SYNJ1: variants seen among roughly 807,000 people sequenced by gnomAD.
The protein encoded by SYNJ1 is polyphosphatidylinositol phosphatase SYNJ1.
In SYNJ1, 78 loss-of-function variants were observed where a neutral mutation model predicts 168.2. The ratio of observed to expected loss-of-function variants is 0.46; its 90% confidence interval spans 0.39 to 0.56. The LOEUF (loss-of-function observed/expected upper bound fraction) is 0.56, where lower values mean the gene tolerates loss of function less well. SYNJ1 is among the 20% of genes least tolerant of loss of function. SYNJ1 has a pLI of 0.00. For missense variants in SYNJ1, 1,303 were observed against 1,597.6 expected (o/e 0.82, Z 3.14); for synonymous variants, 539 against 548.6 (o/e 0.98, Z 0.24).
chr21:32,650,459 G>T (rs2040235159), intron 22 of SYNJ1, 113 bp from the exon 23 acceptor site: 1 of 851,146 alleles, frequency 1.2e-6, no homozygotes, highest in Non-Finnish European at 1.7e-6. Flanking sequence ...AATTTAGTTA[G>T]ACAATTCAGC....
intron 1 of SYNJ1, among the ~76,000 whole-genome samples, chr21:32,727,273 C>T (rs982703089): frequency 1.3e-5 from 2 of 152,268 alleles, no homozygotes; most frequent in South Asian, 2.1e-4. Flanking sequence ...AGATCTGTCA[C>T]TACGTTGAAA....
chr21:32,721,857 A>G (rs1437010987), intron 2 of SYNJ1, among the ~76,000 whole-genome samples: 2 of 152,128 alleles, frequency 1.3e-5, no homozygotes, highest in Non-Finnish European at 2.9e-5. Flanking sequence ...TACATCTTTT[A>G]TATCAGCAGT....
Position 32,675,387 on chromosome 21 carries a change from A to T in SYNJ1, c.1534+945T>A, listed in dbSNP as rs116074943. Among the ~76,000 whole-genome samples the T allele has an allele frequency of 1.4e-3, 216 of 152,232 alleles. 1 individual carries two copies. The highest frequency in any genetic ancestry group is 5.1e-3 in the African/African-American group (214 of 41,556). ...AATGTGCTTAAAGAAACAGAGAGTCAAAAAAATAAAATAAAATAAAAAATT... is the reference window on the plus strand; with the variant it reads ...AATGTGCTTAAAGAAACAGAGAGTCTAAAAAATAAAATAAAATAAAAAATT... On this transcript the variant is annotated intron_variant, in intron 13 of 32. Transcript: ENST00000674351.
chr21:32,706,864 C>T (rs115922417), intron 2 of SYNJ1, among the ~76,000 whole-genome samples: 1 of 151,926 alleles, frequency 6.6e-6, no homozygotes, highest in Admixed American at 6.6e-5. Context: ...GAATCTTCTA[C>T]TATAAAGAGA....
At chr21:32,659,138 TC>T (rs1407981668) in intron 18 of SYNJ1, among the ~76,000 whole-genome samples, 1 of 151,028 alleles carries the variant, frequency 6.6e-6, no homozygotes, top group East Asian at 1.9e-4. Context: ...AATTTTGTGG[TC>T]ATAAGCTTTA....
rs1355459691 is a variant in SYNJ1, at chr21:32,634,846, T to C, written c.*3+15A>G. ...CGGATGAAAACACATGTAAGATTGA[T>C]AAATTGTCAGATACCTGTTACCCTG... On this transcript the variant is annotated intron_variant, in intron 32 of 32. Coordinates refer to ENST00000674351, the MANE Select transcript of SYNJ1 (RefSeq NM_203446.3). 1 of 1,613,540 alleles carries C rather than the reference T, an allele frequency of 6.2e-7. No individual in the cohort carries two copies. The highest frequency in any genetic ancestry group is 2.2e-5 in the East Asian group (1 of 44,832).
At chr21:32,700,510 C>G (rs1212647290) in intron 3 of SYNJ1, among the ~76,000 whole-genome samples, 1 of 152,048 alleles carries the variant, frequency 6.6e-6, no homozygotes, top group Non-Finnish European at 1.5e-5. Context: ...CAAAAACTAG[C>G]TGGGCGTGGT....
At chr21:32,685,425 C>CAAAAAAAAAAA (rs57470866) in intron 9 of SYNJ1, among the ~76,000 whole-genome samples, 2 of 67,238 alleles carry the variant, frequency 3.0e-5, no homozygotes, top group South Asian at 5.8e-4. Context: ...CCGTCTCTAC[C>CAAAAAAAAAAA]AAAAAAAAAA....
rs113045996 is a variant in SYNJ1 at position 32,648,700 on chromosome 21, G to A, written c.3037+1484C>T. ...TATTCGATTCATTCTCTTCTGTCTCGTCATAATCCTATTGGCCAAAGTTAT... is the reference window on the plus strand; with the variant it reads ...TATTCGATTCATTCTCTTCTGTCTCATCATAATCCTATTGGCCAAAGTTAT... On this transcript the variant is annotated intron_variant, in intron 23 of 32. Coordinates refer to ENST00000674351, the MANE Select transcript of SYNJ1 (RefSeq NM_203446.3). Among the ~76,000 whole-genome samples, 14 of 152,124 alleles carry A rather than the reference G, an allele frequency of 9.2e-5. 1 individual carries two copies. Among genetic ancestry groups the A allele is most frequent in the African/African-American group, 2.7e-4 (11 of 41,472 alleles).
Position 32,688,371 on chromosome 21 carries a change from A to G in SYNJ1, c.790-4T>C. On this transcript the variant is annotated splice_region_variant and splice_polypyrimidine_tract_variant and intron_variant, in intron 6 of 32. Coordinates refer to ENST00000674351, the MANE Select transcript of SYNJ1 (RefSeq NM_203446.3). ...TACGGACACGATGAGATCCCACCTT[A>G]GACAAGAAAAATATATTTAATCAAA... 1 of 1,612,168 alleles carries G rather than the reference A, an allele frequency of 6.2e-7. No individual in the cohort carries two copies. Among genetic ancestry groups the G allele is most frequent in the South Asian group, 1.1e-5 (1 of 90,540 alleles).
chr21:32,709,398 A>G (rs1231860863), intron 2 of SYNJ1, among the ~76,000 whole-genome samples: 1 of 151,120 alleles, frequency 6.6e-6, no homozygotes, highest in Non-Finnish European at 1.5e-5. Flanking sequence ...AATCACTTGA[A>G]GCCGGCAGGC....
Position 32,688,385 on chromosome 21 carries a change from T to A in SYNJ1, c.790-18A>T. 6.2e-7 allele frequency: 1 copy of A among 1,608,234 alleles called. No homozygotes were observed. Among genetic ancestry groups the A allele is most frequent in the South Asian group, 1.1e-5 (1 of 89,724 alleles). On this transcript the variant is annotated intron_variant, in intron 6 of 32. Transcript: ENST00000674351. ...GATCCCACCTTAGACAAGAAAAATATATTTAATCAAACCAAAAACCAACAT... is the reference window on the plus strand; with the variant it reads ...GATCCCACCTTAGACAAGAAAAATAAATTTAATCAAACCAAAAACCAACAT...
At chr21:32,670,242 T>C (rs1273947651) in intron 15 of SYNJ1, 46 bp downstream of exon 15, 10 of 1,508,342 alleles carry the variant, frequency 6.6e-6, no homozygotes, top group Non-Finnish European at 9.2e-6. Flanking sequence ...CTCCATAGTT[T>C]CCCTCAACTG....
chr21:32,652,592 A>G (rs577696548), intron 22 of SYNJ1, among the ~76,000 whole-genome samples: 5 of 152,370 alleles, frequency 3.3e-5, no homozygotes, highest in African/African-American at 1.2e-4. Context: ...TCAGTGCTGC[A>G]GGAATCAGGC....
Position 32,686,974 on chromosome 21 carries a change from T to C in SYNJ1, c.948+4A>G. 2 of 1,522,726 alleles carry C rather than the reference T, an allele frequency of 1.3e-6. No homozygotes were observed. Among genetic ancestry groups the C allele is most frequent in the Non-Finnish European group, 1.8e-6 (2 of 1,134,258 alleles). The allele number at this position is 1,522,726 out of a possible 1,614,324, so 94.3% of individuals were successfully genotyped here. A position where few individuals can be genotyped will look rare whatever the true frequency, so the allele number is the denominator to read the frequency against. ...AGAATGAAATAAGAAATGACCATAC[T>C]TACCTGGAAAGCTTTACTTAGCATA... On this transcript the variant is annotated splice_donor_region_variant and intron_variant, in intron 8 of 32. Transcript: ENST00000674351.
At chr21:32,637,411 T>C (rs1011160949) in intron 31 of SYNJ1, among the ~76,000 whole-genome samples, 259 of 141,720 alleles carry the variant, frequency 1.8e-3, no homozygotes, top group African/African-American at 6.1e-3. Flanking sequence ...TTTTTCTTTT[T>C]TTTTTTTTTT....
At chr21:32,675,354 G>A (rs1379844845) in intron 13 of SYNJ1, among the ~76,000 whole-genome samples, 1 of 151,994 alleles carries the variant, frequency 6.6e-6, no homozygotes, top group African/African-American at 2.4e-5. Context: ...CTTAACTGGT[G>A]CCACCTTAAT....
chr21:32,644,152 T>TA (rs1367399766), intron 26 of SYNJ1, among the ~76,000 whole-genome samples: 1 of 151,500 alleles, frequency 6.6e-6, no homozygotes, highest in Non-Finnish European at 1.5e-5. Context: ...AGGGAAAAAT[T>TA]AAATGTTTTC....
chr21:32,644,517 CTG>C (rs1302513740), intron 26 of SYNJ1, among the ~76,000 whole-genome samples: 3 of 152,218 alleles, frequency 2.0e-5, no homozygotes, highest in Non-Finnish European at 2.9e-5. Flanking sequence ...CAACTGAGCT[CTG>C]TGAGTTTTCA....
Sources: allele counts gnomAD v4.1 joint callset (sites outside exome capture counted in the v4.1 genomes callset), GRCh38; gene constraint gnomAD v4.1.1; transcripts MANE v1.5; gene names NCBI Gene and HGNC (gene_info 2026-07-23, HGNC 2026-07-21).